NTRK2: variants seen among roughly 807,000 people sequenced by gnomAD.
NTRK2 encodes BDNF/NT-3 growth factors receptor.
Under a neutral mutation model 94.5 loss-of-function variants are expected in NTRK2, and 13 were observed. The ratio of observed to expected loss-of-function variants is 0.14; its 90% CI spans 0.09 to 0.22. NTRK2 has a LOEUF of 0.22. NTRK2 is among the 10% of genes least tolerant of loss of function. The probability of loss-of-function intolerance (pLI) is 1.00; values close to 1 mark genes in which losing one functional copy is unlikely to be tolerated. For synonymous variants in NTRK2, 372 were observed against 407.4 expected (o/e 0.91, Z 1.05); for missense variants, 639 against 1,071.2 (o/e 0.60, Z 5.63).
chr9:84,918,981 T>G (rs76348304), intron 14 of NTRK2, among the ~76,000 whole-genome samples: 90 of 152,296 alleles, frequency 5.9e-4, no homozygotes, highest in Non-Finnish European at 1.1e-3. Flanking sequence ...TCCCATCTGC[T>G]TATACAATCA....
At chr9:84,889,961 G>A (rs2076547480) in intron 14 of NTRK2, among the ~76,000 whole-genome samples, 1 of 152,194 alleles carries the variant, frequency 6.6e-6, no homozygotes, top group Non-Finnish European at 1.5e-5. Flanking sequence ...CTGAAAAATG[G>A]TAGTAGCAGC....
At chr9:84,867,537 A>C (rs965498350) in intron 14 of NTRK2, 106 bp downstream of exon 14, 51 of 980,202 alleles carry the variant, frequency 5.2e-5, no homozygotes, top group Non-Finnish European at 8.3e-6. Flanking sequence ...AACAGGGTGC[A>C]GTGAAATGTT....
intron 12 of NTRK2, among the ~76,000 whole-genome samples, chr9:84,853,812 T>C (rs7874653): frequency 0.011 from 1,612 of 152,240 alleles, 34 homozygotes; most frequent in African/African-American, 0.037. Flanking sequence ...CTGGGGGTGG[T>C]GGCTCATGCC....
At chr9:84,674,799 A>G (rs942139435) in intron 2 of NTRK2, among the ~76,000 whole-genome samples, 2 of 152,154 alleles carry the variant, frequency 1.3e-5, no homozygotes, top group Admixed American at 1.3e-4. Flanking sequence ...CATACCTTCA[A>G]TCTCTGCAAT....
intron 14 of NTRK2, among the ~76,000 whole-genome samples, chr9:84,926,294 G>A (rs894270034): frequency 1.9e-4 from 29 of 150,446 alleles, no homozygotes; most frequent in South Asian, 1.5e-3. Context: ...GTGCAATGGC[G>A]TGATCTCAGC....
At chr9:84,808,811 T>C (rs993362264) in intron 12 of NTRK2, among the ~76,000 whole-genome samples, 1 of 152,222 alleles carries the variant, frequency 6.6e-6, no homozygotes, top group Non-Finnish European at 1.5e-5. Context: ...TTAAGCTCCA[T>C]AGACTCTTTT....
intron 13 of NTRK2, among the ~76,000 whole-genome samples, chr9:84,861,666 C>T (rs924492494): frequency 6.6e-6 from 1 of 152,178 alleles, no homozygotes; most frequent in African/African-American, 2.4e-5. Context: ...TGTAGCTCCT[C>T]ATTAGAATTG....
intron 14 of NTRK2, among the ~76,000 whole-genome samples, chr9:84,932,732 A>T (rs147356980): frequency 6.6e-6 from 1 of 152,318 alleles, no homozygotes; most frequent in East Asian, 1.9e-4. Context: ...ACAAGCTATG[A>T]CAGAATGTGA....
chr9:84,871,978 T>G (rs2075882071), intron 14 of NTRK2: 2 of 1,561,248 alleles, frequency 1.3e-6, no homozygotes, highest in Non-Finnish European at 1.7e-6. Flanking sequence ...AAGCAAGAAG[T>G]TGCCTTTCCA....
chr9:84,686,521 G>A (rs1403170121), intron 2 of NTRK2, among the ~76,000 whole-genome samples: 1 of 152,200 alleles, frequency 6.6e-6, no homozygotes, highest in Non-Finnish European at 1.5e-5. Context: ...GCATTTATGG[G>A]GCTTCACTTA....
intron 15 of NTRK2, among the ~76,000 whole-genome samples, chr9:84,934,570 G>C (rs1251147261): frequency 2.6e-5 from 4 of 152,194 alleles, no homozygotes; most frequent in Non-Finnish European, 5.9e-5. Context: ...TTGGATGGAA[G>C]TCAGTGGGGC....
At chr9:84,765,672 G>A (rs568188134) in intron 12 of NTRK2, among the ~76,000 whole-genome samples, 26 of 152,208 alleles carry the variant, frequency 1.7e-4, no homozygotes, top group East Asian at 9.7e-4. Context: ...CTGCTTGAGC[G>A]TGTCATACGT....
chr9:84,921,050 G>A lies in NTRK2; in HGVS notation c.1634-13112G>A, dbSNP rs75001838. 8.3e-3 allele frequency among the ~76,000 whole-genome samples: 1,264 copies of A among 152,238 alleles called. 6 individuals carry two copies. The highest frequency in any genetic ancestry group is 0.034 in the Middle Eastern group (10 of 294). Reference sequence around the variant, plus strand: ...AATTTTTTATCACCCAGAGTAAGTAGTTCCCTGCATAATAGCATCACTGAA... The same window carrying A: ...AATTTTTTATCACCCAGAGTAAGTAATTCCCTGCATAATAGCATCACTGAA... On this transcript the variant is annotated intron_variant, in intron 14 of 18. Transcript: ENST00000277120.
intron 12 of NTRK2, among the ~76,000 whole-genome samples, chr9:84,829,718 A>G (rs867529227): frequency 6.6e-6 from 1 of 152,208 alleles, no homozygotes; most frequent in Non-Finnish European, 1.5e-5. Context: ...GCGGGGGTCC[A>G]TCAGATGCCT....
intron 9 of NTRK2, among the ~76,000 whole-genome samples, chr9:84,737,879 A>G (rs2063369116): frequency 6.6e-6 from 1 of 151,472 alleles, no homozygotes; most frequent in African/African-American, 2.5e-5. Flanking sequence ...AATTCTTGAC[A>G]ACATTCCTTA....
rs374879412 is a variant in NTRK2 at position 84,711,370 on chromosome 9, C to T, written c.583+579C>T. Among the ~76,000 whole-genome samples, 24 of 152,280 alleles carry T rather than the reference C, an allele frequency of 1.6e-4. 1 individual carries two copies. In the East Asian group the frequency reaches 3.3e-3, roughly 21 times the overall value. ...CGTCATCCCCTATTCCTCTTCCCAG[C>T]GTTTTCATCTCCAACATTTAAAAGG... On this transcript the variant is annotated intron_variant, in intron 6 of 18. Transcript: ENST00000277120.
chr9:84,840,576 C>T (rs760738006), intron 12 of NTRK2, among the ~76,000 whole-genome samples: 6 of 152,134 alleles, frequency 3.9e-5, no homozygotes, highest in South Asian at 2.1e-4. Context: ...TTTCCTGCAG[C>T]GTTACATTTT....
In NTRK2 at chr9:84,670,483, G is replaced by A. The variant is rs2058631280; in HGVS notation, c.-266G>A. The A allele has an allele frequency of 2.0e-6, 1 of 511,082 alleles. No homozygotes were observed. The highest frequency in any genetic ancestry group is 1.9e-5 in the African/African-American group (1 of 52,306). The allele number at this position is 511,082 out of a possible 1,614,324, so 31.7% of individuals were successfully genotyped here. On this transcript the variant is annotated 5_prime_UTR_variant, in exon 2 of 19. Coordinates refer to ENST00000277120, the MANE Select transcript of NTRK2 (RefSeq NM_006180.6). ...TGCCCGGCGCGCCGGGCCATGCAGCGACGGCCGCCGCGGAGCTCCGAGCAG... is the reference window on the plus strand; with the variant it reads ...TGCCCGGCGCGCCGGGCCATGCAGCAACGGCCGCCGCGGAGCTCCGAGCAG...
intron 12 of NTRK2, among the ~76,000 whole-genome samples, chr9:84,792,611 A>T (rs2068843827): frequency 6.6e-6 from 1 of 152,242 alleles, no homozygotes; most frequent in Non-Finnish European, 1.5e-5. Context: ...CTGTAAGCTA[A>T]GACAGTGGTC....
Sources: gnomAD v4.1 joint callset for allele counts (sites outside exome capture counted in the v4.1 genomes callset) on GRCh38, gnomAD v4.1.1 for gene constraint, MANE v1.5 for transcripts, NCBI Gene and HGNC (gene_info 2026-07-23, HGNC 2026-07-21) for gene names.